OPCML: variants seen among roughly 807,000 people sequenced by gnomAD.
OPCML encodes opioid-binding protein/cell adhesion molecule.
In OPCML, 13 loss-of-function variants were observed where a neutral mutation model predicts 37.8. The observed-to-expected ratio is 0.34, with a 90% CI of 0.22 to 0.55. The LOEUF is 0.55. Among genes scored for constraint, OPCML ranks in the 20% least tolerant of loss-of-function variants. The probability of loss-of-function intolerance (pLI) is 0.91; values close to 1 mark genes in which losing one functional copy is unlikely to be tolerated. For synonymous variants in OPCML, 176 were observed against 168.8 expected (o/e 1.04, Z -0.33); for missense variants, 341 against 435.6 (o/e 0.78, Z 1.93).
intron 2 of OPCML, among the ~76,000 whole-genome samples, chr11:132,838,773 G>A (rs1941157289): frequency 6.6e-6 from 1 of 152,162 alleles, no homozygotes; most frequent in African/African-American, 2.4e-5. Context: ...GAAGTTTAGA[G>A]ATCAGAGTCA....
chr11:132,872,546 C>A (rs1388419283), intron 2 of OPCML, among the ~76,000 whole-genome samples: 1 of 152,146 alleles, frequency 6.6e-6, no homozygotes, highest in Non-Finnish European at 1.5e-5. Flanking sequence ...ACAAAGATTT[C>A]CAGTGCCTAC....
intron 1 of OPCML, among the ~76,000 whole-genome samples, chr11:133,043,275 T>C (rs933428451): frequency 2.0e-5 from 3 of 152,208 alleles, no homozygotes; most frequent in African/African-American, 7.2e-5. Context: ...TATTTTGACT[T>C]GAAACTGGCC....
chr11:132,717,876 G>GCTCCACACA (rs1944547547), intron 2 of OPCML, among the ~76,000 whole-genome samples: 1 of 152,196 alleles, frequency 6.6e-6, no homozygotes, highest in Non-Finnish European at 1.5e-5. Context: ...TGTGTATGGA[G>GCTCCACACA]GCAAGGACAG....
At chr11:132,990,010 G>T (rs1946747480) in intron 1 of OPCML, among the ~76,000 whole-genome samples, 1 of 152,162 alleles carries the variant, frequency 6.6e-6, no homozygotes, top group Non-Finnish European at 1.5e-5. Flanking sequence ...TGGATTAGAA[G>T]GGCTGAAGTT....
At chr11:133,007,766 T>C (rs764629451) in intron 1 of OPCML, 35 of 985,322 alleles carry the variant, frequency 3.6e-5, no homozygotes, top group Non-Finnish European at 4.2e-5. Context: ...GACGCAGGCA[T>C]AGACATTTTG....
chr11:132,582,849 T>G (rs111292769), intron 3 of OPCML, among the ~76,000 whole-genome samples: 609 of 14,394 alleles, frequency 0.042, 47 homozygotes, highest in African/African-American at 0.17. Context: ...GTTTAAGGTT[T>G]TTTTTTTTTT....
chr11:132,989,599 G>C lies in OPCML; in HGVS notation c.62-46589C>G, dbSNP rs1591885121. The stretch of plus-strand genomic sequence containing the variant: ...GATGCAGGTTGATGCCAAGGTCCTA[G>C]AGCGTGTGTGTGTGTGTGTGTGTGT... On this transcript the variant is annotated intron_variant, in intron 1 of 7. Coordinates refer to ENST00000524381, the MANE Select transcript of OPCML (RefSeq NM_001012393.5). Among the ~76,000 whole-genome samples, 4 of 125,962 alleles carry C rather than the reference G, an allele frequency of 3.2e-5. 1 individual carries two copies. The Admixed American group carries it at 3.5e-4, about 11-fold the overall frequency. The allele number at this position is 125,962 out of a possible 152,430, so 82.6% of individuals were successfully genotyped here.
chr11:133,342,388 G>C (rs999281727), intron 1 of OPCML, among the ~76,000 whole-genome samples: 1 of 152,212 alleles, frequency 6.6e-6, no homozygotes, highest in Non-Finnish European at 1.5e-5. Flanking sequence ...ACTTGATAGA[G>C]TGCCGCTGTC....
Position 133,211,865 on chromosome 11 carries a change from T to C in OPCML, c.62-268855A>G, listed in dbSNP as rs975875843. Among the ~76,000 whole-genome samples, 13 of 152,206 alleles carry C rather than the reference T, an allele frequency of 8.5e-5. No homozygotes were observed. Among genetic ancestry groups the C allele is most frequent in the South Asian group, 4.1e-4 (2 of 4,834 alleles). ...AGCATTTGACTCAAACTCTTCAAGA[T>C]AGGGAGTTAAAGAATGCAAAGTTGA... is the stretch of plus-strand genomic sequence containing the variant. On this transcript the variant is annotated intron_variant, in intron 1 of 7. Transcript: ENST00000524381. The surrounding 1 kb of genome is among the most constrained non-coding windows in gnomAD (Gnocchi z 4.1).
At chr11:133,450,047 C>T (rs1411904513) in intron 1 of OPCML, among the ~76,000 whole-genome samples, 1 of 151,684 alleles carries the variant, frequency 6.6e-6, no homozygotes, top group Non-Finnish European at 1.5e-5. Flanking sequence ...CACTTTCCTG[C>T]CTCTGGGCGT....
At position 132,558,220 on chromosome 11, in the gene OPCML, T is replaced by G. The variant is rs373511360; in HGVS notation, c.380-29034A>C. 5.9e-4 allele frequency among the ~76,000 whole-genome samples: 90 copies of G among 151,912 alleles called. 2 individuals carry two copies. Among genetic ancestry groups the G allele is most frequent in the Middle Eastern group, 3.4e-3 (1 of 294 alleles). ...TTCTTCTTCCTCTTTTCCTTTCTCT[T>G]TTTCTTCTTCCTCTTTTTCTTCTTC... On this transcript the variant is annotated intron_variant, in intron 3 of 7. Transcript: ENST00000524381.
At chr11:133,099,508 C>T (rs888802121) in intron 1 of OPCML, among the ~76,000 whole-genome samples, 2 of 144,892 alleles carry the variant, frequency 1.4e-5, no homozygotes, top group Admixed American at 1.4e-4. Flanking sequence ...AGGATGGTCT[C>T]GATCTCCTGG....
At chr11:133,483,362 G>A (rs1320497115) in intron 1 of OPCML, among the ~76,000 whole-genome samples, 1 of 151,414 alleles carries the variant, frequency 6.6e-6, no homozygotes. Context: ...TAGATAGATA[G>A]CTAATAGATA....
At chr11:132,978,221 G>T (rs1259179166) in intron 1 of OPCML, among the ~76,000 whole-genome samples, 20 of 152,164 alleles carry the variant, frequency 1.3e-4, no homozygotes. Flanking sequence ...GAGATAAAAG[G>T]TAGGAAAATC....
At chr11:133,353,072 A>G (rs750926110) in intron 1 of OPCML, among the ~76,000 whole-genome samples, 17 of 152,172 alleles carry the variant, frequency 1.1e-4, no homozygotes, top group Non-Finnish European at 1.9e-4. Context: ...AATTTTTTCA[A>G]AGGTTAAAGG....
intron 4 of OPCML, among the ~76,000 whole-genome samples, chr11:132,489,174 A>G (rs2096208598): frequency 6.6e-6 from 1 of 151,060 alleles, no homozygotes; most frequent in South Asian, 2.1e-4. Flanking sequence ...AAATTCAGAC[A>G]TAAACACACA....
chr11:133,195,563 C>T, intron 1 of OPCML, among the ~76,000 whole-genome samples: 1 of 152,130 alleles, frequency 6.6e-6, no homozygotes, highest in African/African-American at 2.4e-5. Context: ...ATATGTTCTG[C>T]CATCAATCAC....
chr11:133,380,938 C>G (rs1301414338), intron 1 of OPCML, among the ~76,000 whole-genome samples: 1 of 152,158 alleles, frequency 6.6e-6, no homozygotes, highest in African/African-American at 2.4e-5. Context: ...CAGGGAGGTA[C>G]GGACCTAAGC....
Position 132,530,394 on chromosome 11 carries a change from T to G in OPCML, c.380-1208A>C, listed in dbSNP as rs114244714. Among the ~76,000 whole-genome samples, 1,228 of 152,166 alleles carry G rather than the reference T, an allele frequency of 8.1e-3. 20 individuals carry two copies. Among genetic ancestry groups the G allele is most frequent in the African/African-American group, 0.028 (1,179 of 41,524 alleles). On this transcript the variant is annotated intron_variant, in intron 3 of 7. Coordinates refer to ENST00000524381, the MANE Select transcript of OPCML (RefSeq NM_001012393.5). ...TGTCCTGGTTGTTTCTCACCAATTT[T>G]CACGGAGATAATTGCAATAGCCTCC...
Sources: gnomAD v4.1 joint callset for allele counts (sites outside exome capture counted in the v4.1 genomes callset) on GRCh38, gnomAD v4.1.1 for gene constraint, Gnocchi (gnomAD v3.1) non-coding constraint, MANE v1.5 for transcripts, NCBI Gene and HGNC (gene_info 2026-07-23, HGNC 2026-07-21) for gene names.